The following CELF2 variants were observed in gnomAD, a reference collection of about 807,000 sequenced individuals.
CELF2 encodes CUGBP Elav-like family member 2.
Under a neutral mutation model 62.6 loss-of-function variants are expected in CELF2, and 8 were observed. The observed-to-expected ratio is 0.13, with a 90% CI of 0.07 to 0.23. The LOEUF (loss-of-function observed/expected upper bound fraction) is 0.23, where lower values mean the gene tolerates loss of function less well. CELF2 is among the 10% of genes least tolerant of loss of function. The pLI, the probability that CELF2 is intolerant of heterozygous loss-of-function variation, is 1.00. For missense variants in CELF2, 333 were observed against 671.0 expected, an observed-to-expected ratio of 0.50 and a Z score of 5.56; for synonymous variants, 258 against 250.0, an observed-to-expected ratio of 1.03 and a Z score of -0.30.
the CELF2 span, among the ~76,000 whole-genome samples, chr10:10,552,211 G>A: frequency 1.3e-5 from 2 of 152,220 alleles, no homozygotes; most frequent in Non-Finnish European, 2.9e-5. Context: ...CTTCATGGCA[G>A]TGAGTCCTTG....
chr10:10,604,883 A>G, the CELF2 span, among the ~76,000 whole-genome samples: 1 of 152,234 alleles, frequency 6.6e-6, no homozygotes, highest in Non-Finnish European at 1.5e-5. Flanking sequence ...AGTTACAAAT[A>G]AAAATGCATA....
intron 8 of CELF2, among the ~76,000 whole-genome samples, chr10:11,278,744 AATGT>A (rs2087102743): frequency 6.6e-6 from 1 of 152,238 alleles, no homozygotes; most frequent in Non-Finnish European, 1.5e-5. Context: ...TTCAGTGAGT[AATGT>A]GAGACCACAG....
chr10:11,184,953 T>C (rs2074439649), intron 2 of CELF2, among the ~76,000 whole-genome samples: 1 of 152,238 alleles, frequency 6.6e-6, no homozygotes, highest in Non-Finnish European at 1.5e-5. Flanking sequence ...ATTATCATGT[T>C]CTTGATATTA....
At chr10:10,794,905 C>G (rs1422658624), upstream of CELF2, 1 of 152,210 alleles carries the variant, frequency 6.6e-6, no homozygotes, top group Admixed American at 6.5e-5. Context: ...CCAGGGCGCT[C>G]TCTGCCAAGG....
At position 11,272,140 on chromosome 10, in the gene CELF2, G is replaced by T. The variant is rs1283468058; in HGVS notation, c.777+1316G>T. Among the ~76,000 whole-genome samples, 3 of 152,216 alleles carry T rather than the reference G, an allele frequency of 2.0e-5. No homozygotes were observed. In the East Asian group the frequency reaches 5.8e-4, roughly 29 times the overall value. On this transcript the variant is annotated intron_variant, in intron 7 of 12. Transcript: ENST00000633077. ...TACATATTTGATGAATGAATGAGAA[G>T]CATCCTTTTCCTGTCTTCCTCTGTG...
chr10:11,282,008 C>T (rs2089022577), intron 8 of CELF2, among the ~76,000 whole-genome samples: 1 of 152,134 alleles, frequency 6.6e-6, no homozygotes, highest in African/African-American at 2.4e-5. Context: ...CACATCTGTT[C>T]ATACTGTTGT....
the CELF2 span, among the ~76,000 whole-genome samples, chr10:10,573,006 A>T: frequency 6.6e-6 from 1 of 152,154 alleles, no homozygotes; most frequent in African/African-American, 2.4e-5. Flanking sequence ...ATTTCCCCAC[A>T]GCCTTTGCCA....
At chr10:10,697,364 C>T in the CELF2 span, among the ~76,000 whole-genome samples, 1 of 152,192 alleles carries the variant, frequency 6.6e-6, no homozygotes, top group Admixed American at 6.5e-5. Context: ...TAAGGAGGGC[C>T]CCAGAAAACC....
chr10:11,130,810 T>C (rs922430217), intron 1 of CELF2, among the ~76,000 whole-genome samples: 11 of 152,224 alleles, frequency 7.2e-5, no homozygotes, highest in Admixed American at 3.9e-4. Context: ...CTTTTTCTGC[T>C]CCACTTTTCA....
chr10:10,724,578 G>A, the CELF2 span, among the ~76,000 whole-genome samples: 2 of 148,738 alleles, frequency 1.3e-5, no homozygotes. Context: ...ACCGCTTGAA[G>A]CCAGGAGGCG....
chr10:11,034,360 A>T (rs376400415), intron 1 of CELF2, among the ~76,000 whole-genome samples: 8 of 150,916 alleles, frequency 5.3e-5, no homozygotes, highest in Non-Finnish European at 8.9e-5. Context: ...TTTAATTTTT[A>T]TTTTTTTTTG....
intron 2 of CELF2, among the ~76,000 whole-genome samples, chr10:10,942,927 T>C (rs1001223935): frequency 5.9e-5 from 9 of 152,186 alleles, no homozygotes; most frequent in African/African-American, 2.2e-4. Flanking sequence ...AACAGTCCCA[T>C]TGTGGCCAAA....
At chr10:10,518,488 G>A in the CELF2 span, among the ~76,000 whole-genome samples, 3 of 152,336 alleles carry the variant, frequency 2.0e-5, no homozygotes, top group East Asian at 5.8e-4. Flanking sequence ...TCCTCATGGA[G>A]AGTGAAATGG....
intron 1 of CELF2, among the ~76,000 whole-genome samples, chr10:10,817,786 A>C (rs1240269693): frequency 6.6e-6 from 1 of 152,242 alleles, no homozygotes; most frequent in African/African-American, 2.4e-5. Flanking sequence ...CAAACATAGA[A>C]GCAATAACAT....
chr10:11,066,636 G>GC (rs1297849559), intron 1 of CELF2, among the ~76,000 whole-genome samples: 17 of 152,136 alleles, frequency 1.1e-4, no homozygotes, highest in Non-Finnish European at 2.4e-4. Flanking sequence ...ATATGTAGTT[G>GC]CCCAAAGGAT....
intron 1 of CELF2, among the ~76,000 whole-genome samples, chr10:11,096,600 G>A (rs2049943696): frequency 6.6e-6 from 1 of 152,224 alleles, no homozygotes; most frequent in Admixed American, 6.5e-5. Flanking sequence ...AGCAGCCTGT[G>A]TTGGGTTGTA....
the CELF2 span, among the ~76,000 whole-genome samples, chr10:10,567,707 C>A: frequency 2.0e-5 from 3 of 152,112 alleles, no homozygotes; most frequent in South Asian, 4.1e-4. Flanking sequence ...CTACCCTGAT[C>A]TTTCACTGGA....
At chr10:10,557,469 A>T in the CELF2 span, among the ~76,000 whole-genome samples, 2 of 138,070 alleles carry the variant, frequency 1.4e-5, no homozygotes, top group Admixed American at 7.0e-5. Context: ...AGGTAGTGTG[A>T]TGCCTCCAGC....
chr10:10,871,804 G>C (rs1021787031), intron 1 of CELF2, among the ~76,000 whole-genome samples: 6 of 152,160 alleles, frequency 3.9e-5, no homozygotes, highest in African/African-American at 1.4e-4. Context: ...AAGGAGAGAG[G>C]AAGTAGTGAA....
Sources: allele counts gnomAD v4.1 joint callset (sites outside exome capture counted in the v4.1 genomes callset), GRCh38; gene constraint gnomAD v4.1.1; transcripts MANE v1.5; gene names NCBI Gene and HGNC (gene_info 2026-07-23, HGNC 2026-07-21).